Variants in NFATC1 observed in about 807,000 individuals in gnomAD.
The protein encoded by NFATC1 is nuclear factor of activated T cells 1.
A neutral mutation model predicts 76.0 loss-of-function variants in NFATC1; 22 were observed. The ratio of observed to expected loss-of-function variants is 0.29; its 90% CI spans 0.21 to 0.41. NFATC1 has a LOEUF of 0.41. Among genes scored for constraint, NFATC1 ranks in the 10% least tolerant of loss-of-function variants. The pLI is 1.00. For missense variants in NFATC1, 1,357 were observed against 1,337.7 expected, an observed-to-expected ratio of 1.01 and a Z score of -0.23; for synonymous variants, 704 against 613.1, an observed-to-expected ratio of 1.15 and a Z score of -2.19.
At chr18:79,455,617 G>A (rs2087666900) in intron 6 of NFATC1, among the ~76,000 whole-genome samples, 1 of 152,156 alleles carries the variant, frequency 6.6e-6, no homozygotes, top group African/African-American at 2.4e-5. Flanking sequence ...CCTGCACGGT[G>A]GGAGCGAGTA....
rs2086453928 is a variant in NFATC1 at position 79,427,967 on chromosome 18, G to A, written c.1227-5612G>A. Reference sequence around the variant, plus strand: ...ACAGCTGGCCTCTGTGCAGTGGGTGGCGGGGGGGTGCTGGACGGCTGGCCT... The same window carrying A: ...ACAGCTGGCCTCTGTGCAGTGGGTGACGGGGGGGTGCTGGACGGCTGGCCT... On this transcript the variant is annotated intron_variant, in intron 2 of 9. Coordinates refer to ENST00000427363, the MANE Select transcript of NFATC1 (RefSeq NM_001278669.2). Among the ~76,000 whole-genome samples the A allele has an allele frequency of 2.3e-5, 3 of 132,358 alleles. No individual in the cohort carries two copies. In the South Asian group the frequency reaches 7.9e-4, roughly 35 times the overall value. 86.8% of individuals were successfully genotyped at this position (132,358 alleles called of 152,430 possible).
At chr18:79,494,411 TC>T (rs2089805381) in intron 9 of NFATC1, among the ~76,000 whole-genome samples, 1 of 53,144 alleles carries the variant, frequency 1.9e-5, no homozygotes, top group African/African-American at 7.0e-5. Context: ...ACGCCCCCCA[TC>T]GACCTGGTAC....
intron 9 of NFATC1, chr18:79,527,202 G>T (rs1329186769): frequency 1.1e-5 from 3 of 270,366 alleles, no homozygotes; most frequent in Non-Finnish European, 2.2e-5. Context: ...GGACCTGTGG[G>T]TCGCTTGGTT....
chr18:79,424,599 C>T (rs1350129555), intron 2 of NFATC1, among the ~76,000 whole-genome samples: 2 of 151,596 alleles, frequency 1.3e-5, no homozygotes, highest in African/African-American at 4.9e-5. Flanking sequence ...CTGTCTCTCT[C>T]TGTCTCTCCG....
intron 9 of NFATC1, among the ~76,000 whole-genome samples, chr18:79,500,507 A>C (rs112035505): frequency 6.6e-6 from 1 of 152,132 alleles, no homozygotes; most frequent in African/African-American, 2.4e-5. Context: ...AAAAAACCCA[A>C]GGCAAGTGGA....
chr18:79,400,317 G>T (rs1190416873), intron 1 of NFATC1: 2 of 1,287,422 alleles, frequency 1.6e-6, no homozygotes, highest in Non-Finnish European at 2.0e-6. Context: ...CGGAGGACGC[G>T]CGGGCAGCGC....
At position 79,486,565 on chromosome 18, in the gene NFATC1, C is replaced by T. The variant is rs888516413; in HGVS notation, c.2410C>T (p.Pro804Ser). 6.3e-7 allele frequency: 1 copy of T among 1,593,360 alleles called. No homozygotes were observed. The highest frequency in any genetic ancestry group is 8.5e-7 in the Non-Finnish European group (1 of 1,174,682). Reference sequence around the variant, plus strand: ...AGAGGCCCCCGCCGTCCAGGACGTGCCCAGGCCAGTGGCCACGCACCCCGG... The same window carrying T: ...AGAGGCCCCCGCCGTCCAGGACGTGTCCAGGCCAGTGGCCACGCACCCCGG... Reference protein sequence around the residue: ...AGEAPAVQDVPRPVATHPGSP... With the variant: ...AGEAPAVQDVSRPVATHPGSP... Residue 804 changes from proline (P) to serine (S), a missense_variant, in exon 9 of 10, where the codon CCC (proline) becomes TCC (serine). By Grantham distance (74) the Pro-to-Ser change is moderately conservative (BLOSUM62 -1). Coordinates refer to ENST00000427363, the MANE Select transcript of NFATC1 (RefSeq NM_001278669.2).
chr18:79,413,115 C>G (rs1203616172), intron 2 of NFATC1, among the ~76,000 whole-genome samples: 4 of 152,218 alleles, frequency 2.6e-5, no homozygotes, highest in Non-Finnish European at 5.9e-5. Flanking sequence ...CAACGCGCTT[C>G]ATGGTCTCCA....
intron 9 of NFATC1, among the ~76,000 whole-genome samples, chr18:79,522,379 G>GGT (rs1482456156): frequency 1.2e-5 from 1 of 80,124 alleles, no homozygotes; most frequent in African/African-American, 5.4e-5. Context: ...TGTGTGTGTG[G>GGT]GGGGGGGTGC....
Position 79,407,034 on chromosome 18 carries a change from C to T in NFATC1, c.128-3369C>T, listed in dbSNP as rs546359821. ...ACGGGCCACGGAGGGGCCACCGTGA[C>T]GCCCAGGCGGAGCTCTCAGAGGGCT... On this transcript the variant is annotated intron_variant, in intron 1 of 9. Transcript: ENST00000427363. Among the ~76,000 whole-genome samples the T allele has an allele frequency of 1.9e-4, 29 of 152,344 alleles. No homozygotes were observed. The South Asian group carries it at 2.9e-3, about 15-fold the overall frequency.
Position 79,486,720 on chromosome 18 carries a change from C to A in NFATC1, c.2565C>A (p.Thr855=). The change falls in exon 9 of 10, where the codon ACC becomes ACA. Residue 855 remains threonine, a synonymous_variant. Transcript: ENST00000427363. Reference sequence around the variant, plus strand: ...CCTCTCCTCCACTCCCGCCTGCCACCCAAGAGCCGACCTGCCTGCAGCCCT... The same window carrying A: ...CCTCTCCTCCACTCCCGCCTGCCACACAAGAGCCGACCTGCCTGCAGCCCT... The part of the protein sequence containing the change: ...SSPSPPLPPA[T]QEPTCLQPCS... The A allele has an allele frequency of 6.3e-7, 1 of 1,598,460 alleles. No individual in the cohort carries two copies.
chr18:79,434,716 A>G (rs1234795703), intron 3 of NFATC1, among the ~76,000 whole-genome samples: 1 of 152,208 alleles, frequency 6.6e-6, no homozygotes, highest in African/African-American at 2.4e-5. Context: ...AGTGCCTCGT[A>G]TTTTTATTTT....
chr18:79,408,187 T>C (rs1425845140), intron 1 of NFATC1, among the ~76,000 whole-genome samples: 6 of 152,206 alleles, frequency 3.9e-5, no homozygotes, highest in Non-Finnish European at 7.3e-5. Flanking sequence ...CCTAGATTTT[T>C]TTGGCATTTA....
chr18:79,408,715 C>CCACCATCCAT (rs1568920571), intron 1 of NFATC1, among the ~76,000 whole-genome samples: 1 of 152,230 alleles, frequency 6.6e-6, no homozygotes, highest in Non-Finnish European at 1.5e-5. Flanking sequence ...TAAAACACAT[C>CCACCATCCAT]CACCATCCAT....
chr18:79,400,432 T>A, intron 1 of NFATC1: 1 of 1,494,646 alleles, frequency 6.7e-7, no homozygotes, highest in Non-Finnish European at 8.9e-7. Context: ...TTCGAGTTCC[T>A]CTTCGAGTTT....
At chr18:79,450,501 A>G (rs1437779620) in intron 4 of NFATC1, among the ~76,000 whole-genome samples, 1 of 151,666 alleles carries the variant, frequency 6.6e-6, no homozygotes, top group Non-Finnish European at 1.5e-5. Context: ...CTTTTTGGGA[A>G]CTACTCCAAG....
intron 4 of NFATC1, among the ~76,000 whole-genome samples, chr18:79,449,195 T>A (rs1332424259): frequency 6.6e-6 from 1 of 152,266 alleles, no homozygotes; most frequent in Non-Finnish European, 1.5e-5. Flanking sequence ...ATATTGCCAC[T>A]TAAAATGTCA....
At chr18:79,412,401 C>T (rs886843350) in intron 2 of NFATC1, among the ~76,000 whole-genome samples, 6 of 151,172 alleles carry the variant, frequency 4.0e-5, no homozygotes, top group South Asian at 2.1e-4. Context: ...ACGCGCAGCC[C>T]GGGGTATTCC....
chr18:79,480,373 G>A (rs1411664773), intron 8 of NFATC1, among the ~76,000 whole-genome samples: 5 of 152,196 alleles, frequency 3.3e-5, no homozygotes, highest in East Asian at 3.9e-4. Flanking sequence ...CCAGCGAAGC[G>A]TCCACTGGGC....
Sources: gnomAD v4.1 joint callset for allele counts (sites outside exome capture counted in the v4.1 genomes callset) on GRCh38, gnomAD v4.1.1 for gene constraint, MANE v1.5 for transcripts, NCBI Gene and HGNC (gene_info 2026-07-23, HGNC 2026-07-21) for gene names.